The following MYO16 variants were observed in gnomAD, a reference collection of about 807,000 sequenced individuals.
MYO16 encodes the protein myosin XVI, also known as unconventional myosin-XVI.
A neutral mutation model predicts 205.3 loss-of-function variants in MYO16; 94 were observed. That is an observed-to-expected ratio of 0.46 (90% CI 0.39 to 0.54). MYO16 has a LOEUF of 0.54. Ranked by LOEUF, MYO16 falls within the 20% of genes least tolerant of loss-of-function variation. The probability of loss-of-function intolerance (pLI) is 0.00; values close to 1 mark genes in which losing one functional copy is unlikely to be tolerated. For synonymous variants in MYO16, 988 were observed against 954.0 expected (o/e 1.04, Z -0.66); for missense variants, 2,315 against 2,387.5 (o/e 0.97, Z 0.63).
intron 34 of MYO16, among the ~76,000 whole-genome samples, chr13:109,204,865 G>C: frequency 6.6e-6 from 1 of 152,102 alleles, no homozygotes; most frequent in East Asian, 1.9e-4. Context: ...TGCCTGGAAG[G>C]TGCTTACGAA....
the MYO16 span, among the ~76,000 whole-genome samples, chr13:108,548,625 T>C: frequency 8.6e-5 from 13 of 151,904 alleles, no homozygotes; most frequent in Non-Finnish European, 1.5e-4. Context: ...TGGATGATGA[T>C]GATAGGGTGA....
At chr13:108,774,698 A>C (rs2138890078) in intron 4 of MYO16, among the ~76,000 whole-genome samples, 1 of 152,342 alleles carries the variant, frequency 6.6e-6, no homozygotes, top group African/African-American at 2.4e-5. Context: ...AAGTACTGTC[A>C]GTATGAGAAA....
At chr13:108,542,275 G>C in the MYO16 span, among the ~76,000 whole-genome samples, 2 of 151,970 alleles carry the variant, frequency 1.3e-5, no homozygotes, top group Non-Finnish European at 2.9e-5. Context: ...TGAGAACACA[G>C]GGACAGAAAG....
chr13:108,740,729 AG>A (rs1594255550), intron 4 of MYO16, among the ~76,000 whole-genome samples: 1 of 152,154 alleles, frequency 6.6e-6, no homozygotes, highest in African/African-American at 2.4e-5. Context: ...TCCTGCCCCC[AG>A]AGGTGGAGTC....
At chr13:108,750,856 A>T (rs908271272) in intron 4 of MYO16, among the ~76,000 whole-genome samples, 2 of 152,064 alleles carry the variant, frequency 1.3e-5, no homozygotes, top group African/African-American at 4.8e-5. Context: ...CTGGAAGCGG[A>T]CAATTACATA....
chr13:109,174,493 C>G (rs1046161817), intron 33 of MYO16, among the ~76,000 whole-genome samples: 7 of 152,040 alleles, frequency 4.6e-5, no homozygotes, highest in Non-Finnish European at 8.8e-5. Context: ...GAAATGGAGA[C>G]ATACAATAGG....
chr13:109,189,928 T>G (rs1248240421), intron 34 of MYO16, among the ~76,000 whole-genome samples: 1 of 152,020 alleles, frequency 6.6e-6, no homozygotes, highest in East Asian at 1.9e-4. Context: ...GTTGTTGTTT[T>G]TTTTTCAACT....
At chr13:109,134,872 C>T (rs746796216) in intron 31 of MYO16, among the ~76,000 whole-genome samples, 5 of 152,100 alleles carry the variant, frequency 3.3e-5, no homozygotes, top group Non-Finnish European at 7.4e-5. Flanking sequence ...TGGAAAGTAC[C>T]ATCTGTATCA....
intron 10 of MYO16, among the ~76,000 whole-genome samples, chr13:108,852,420 A>G (rs1877925497): frequency 6.6e-6 from 1 of 152,246 alleles, no homozygotes; most frequent in African/African-American, 2.4e-5. Flanking sequence ...TTTGCTTCTG[A>G]CTTATCAGCT....
rs536014600 is a variant in MYO16 at position 108,618,425 on chromosome 13, C to T, written c.-39+22186C>T. Among the ~76,000 whole-genome samples the T allele has an allele frequency of 3.9e-5, 6 of 152,298 alleles. No homozygotes were observed. The South Asian group carries it at 1.2e-3, about 32-fold the overall frequency. On this transcript the variant is annotated intron_variant, in intron 1 of 24. Coordinates refer to the MYO16 transcript ENST00000251041. ...TGTGGTGGCAGTGGCTGTCCTAGAA[C>T]ATTTGCATTGCAGATGAGAAGCTGC...
chr13:108,659,485 A>T, intron 1 of MYO16: 2 of 235,722 alleles, frequency 8.5e-6, no homozygotes, highest in Non-Finnish European at 1.7e-5. Flanking sequence ...CAGGATAACC[A>T]TATATGTAGA....
the MYO16 span, among the ~76,000 whole-genome samples, chr13:108,560,268 C>T: frequency 1.3e-5 from 2 of 152,152 alleles, no homozygotes; most frequent in East Asian, 1.9e-4. Flanking sequence ...AGCAGAGCTT[C>T]GCTGGCGTGT....
At chr13:108,968,747 C>T (rs186298587) in intron 20 of MYO16, among the ~76,000 whole-genome samples, 72 of 152,276 alleles carry the variant, frequency 4.7e-4, no homozygotes, top group African/African-American at 1.4e-3. Context: ...CTGCCTGCTG[C>T]GCCCCTGACT....
At chr13:108,716,739 A>G (rs1883959040) in intron 3 of MYO16, among the ~76,000 whole-genome samples, 1 of 152,188 alleles carries the variant, frequency 6.6e-6, no homozygotes, top group African/African-American at 2.4e-5. Flanking sequence ...TGAGGGAAAG[A>G]GAGAATGCGA....
chr13:109,148,901 G>T (rs1285780371), intron 32 of MYO16, among the ~76,000 whole-genome samples: 2 of 152,190 alleles, frequency 1.3e-5, no homozygotes, highest in Admixed American at 1.3e-4. Context: ...CAGGGTAATA[G>T]ACACTGCAGG....
At chr13:108,909,937 G>A (rs1881178582) in intron 15 of MYO16, 66 bp from the exon 16 acceptor site, 1 of 1,443,300 alleles carries the variant, frequency 6.9e-7, no homozygotes, top group Non-Finnish European at 9.6e-7. Context: ...TAATTAATAT[G>A]TGTTAATTTA....
intron 33 of MYO16, among the ~76,000 whole-genome samples, chr13:109,167,508 A>T (rs1476152676): frequency 6.6e-6 from 1 of 152,210 alleles, no homozygotes; most frequent in Non-Finnish European, 1.5e-5. Context: ...TGAAGTTCAG[A>T]AGGACATGTG....
chr13:108,911,381 A>G (rs902235245), intron 16 of MYO16, among the ~76,000 whole-genome samples: 1 of 152,132 alleles, frequency 6.6e-6, no homozygotes, highest in African/African-American at 2.4e-5. Flanking sequence ...TCCTGCTTTT[A>G]GATACGTTAA....
chr13:109,139,882 CTATT>C (rs1262142315), intron 31 of MYO16, among the ~76,000 whole-genome samples: 1 of 145,816 alleles, frequency 6.9e-6, no homozygotes, highest in Non-Finnish European at 1.5e-5. Flanking sequence ...GGTCGTCTGG[CTATT>C]TATTTTACTT....
Sources: gnomAD v4.1 joint callset for allele counts (sites outside exome capture counted in the v4.1 genomes callset) on GRCh38, gnomAD v4.1.1 for gene constraint, MANE v1.5 for transcripts, NCBI Gene and HGNC (gene_info 2026-07-23, HGNC 2026-07-21) for gene names.